Variants in WFDC1 observed in about 807,000 individuals in gnomAD.
WFDC1 encodes the protein WAP four-disulfide core domain protein 1.
WFDC1 carries 39 observed loss-of-function variants against 32.9 expected under a neutral mutation model. That is an observed-to-expected ratio of 1.19 (90% CI 0.92 to 1.55). The LOEUF is 1.55. Among genes scored for constraint, WFDC1 ranks in the 40% most tolerant of loss-of-function variants. The pLI is 0.00. For synonymous variants in WFDC1, 184 were observed against 137.4 expected (o/e 1.34, Z -2.37); for missense variants, 386 against 309.5 (o/e 1.25, Z -1.85).
chr16:84,310,209 G>A (rs746966303), intron 1 of WFDC1, among the ~76,000 whole-genome samples: 7 of 151,756 alleles, frequency 4.6e-5, no homozygotes, highest in Admixed American at 3.3e-4. Flanking sequence ...ACATAGAAGC[G>A]GGGGTGGTGT....
intron 2 of WFDC1, chr16:84,317,422 G>C (rs1908027356): frequency 6.6e-6 from 1 of 152,032 alleles, no homozygotes; most frequent in Admixed American, 6.6e-5. Flanking sequence ...GACTGGTCAG[G>C]GCTAACCAGC....
At chr16:84,310,489 TGAA>T (rs1405848475) in intron 1 of WFDC1, among the ~76,000 whole-genome samples, 1 of 151,388 alleles carries the variant, frequency 6.6e-6, no homozygotes, top group African/African-American at 2.5e-5. Flanking sequence ...GCCTTTAAAT[TGAA>T]GAAGAATGTG....
At chr16:84,327,419 G>C in intron 6 of WFDC1, 1 of 156,936 alleles carries the variant, frequency 6.4e-6, no homozygotes, top group East Asian at 1.8e-4. Flanking sequence ...GGCTGGTCTT[G>C]AACTCCTGGC....
At chr16:84,310,083 G>A (rs529751573) in intron 1 of WFDC1, among the ~76,000 whole-genome samples, 1 of 152,152 alleles carries the variant, frequency 6.6e-6, no homozygotes, top group Non-Finnish European at 1.5e-5. Flanking sequence ...TGTATGTGCA[G>A]GAGGAGACAC....
At chr16:84,299,629 G>C (rs894760542) in intron 1 of WFDC1, among the ~76,000 whole-genome samples, 1 of 152,214 alleles carries the variant, frequency 6.6e-6, no homozygotes, top group Non-Finnish European at 1.5e-5. Context: ...GGAGCCTCTC[G>C]ACAAATCCAC....
intron 1 of WFDC1, among the ~76,000 whole-genome samples, chr16:84,308,942 C>G (rs926195972): frequency 6.6e-6 from 1 of 152,146 alleles, no homozygotes; most frequent in Non-Finnish European, 1.5e-5. Flanking sequence ...GGTGTAGACA[C>G]CATCCTGGGT....
chr16:84,299,529 T>G (rs1036790930), intron 1 of WFDC1, among the ~76,000 whole-genome samples: 3 of 152,244 alleles, frequency 2.0e-5, no homozygotes, highest in African/African-American at 7.2e-5. Flanking sequence ...TGGTTTTTCT[T>G]TCCTGGCATT....
chr16:84,306,512 C>T (rs74035068), intron 1 of WFDC1, among the ~76,000 whole-genome samples: 21,892 of 152,212 alleles, frequency 0.14, 2,032 homozygotes, highest in African/African-American at 0.26. Flanking sequence ...CATCCTTCCT[C>T]ATCTCTGGAG....
At position 84,324,479 on chromosome 16, in the gene WFDC1, C is replaced by T; in HGVS notation, c.604+19C>T. The T allele has an allele frequency of 1.9e-6, 3 of 1,610,686 alleles. No homozygotes were observed. The highest frequency in any genetic ancestry group is 1.3e-5 in the African/African-American group (1 of 74,846). Reference sequence around the variant, plus strand: ...TATCCAGGTAAAAGAAGAAACTGTTCTTTCTTTCCAGAGGGCACAAAAAAA... The same window carrying T: ...TATCCAGGTAAAAGAAGAAACTGTTTTTTCTTTCCAGAGGGCACAAAAAAA... On this transcript the variant is annotated intron_variant, in intron 5 of 6. Transcript: ENST00000219454.
chr16:84,300,473 G>A (rs1906870159), intron 1 of WFDC1, among the ~76,000 whole-genome samples: 1 of 152,238 alleles, frequency 6.6e-6, no homozygotes, highest in Non-Finnish European at 1.5e-5. Context: ...CCTCCCAAAT[G>A]TACTCCCTGC....
chr16:84,313,016 C>A lies in WFDC1; in HGVS notation c.200C>A (p.Pro67Gln). The stretch of plus-strand genomic sequence containing the variant: ...CGGCAGCCCCGAGCAGACCGCTGCC[C>A]GCCGCCTCCGCGGACGCTGCCCCCC... Reference protein sequence around the residue: ...GPRQPRADRCPPPPRTLPPGA... With the variant: ...GPRQPRADRCQPPPRTLPPGA... The change falls in exon 2 of 7, where the codon CCG (proline) becomes CAG (glutamine). Residue 67 changes from proline to glutamine, a missense_variant. By Grantham distance (76) the Pro-to-Gln change is moderately conservative. Coordinates refer to ENST00000219454, the MANE Select transcript of WFDC1 (RefSeq NM_021197.4). 2 of 1,294,428 alleles carry A rather than the reference C, an allele frequency of 1.5e-6. No homozygotes were observed. Among genetic ancestry groups the A allele is most frequent in the Admixed American group, 8.2e-5 (2 of 24,288 alleles). 80.2% of individuals were successfully genotyped at this position (1,294,428 alleles called of 1,614,324 possible).
intron 1 of WFDC1, among the ~76,000 whole-genome samples, chr16:84,312,095 G>GT (rs1907667094): frequency 6.6e-6 from 1 of 152,148 alleles, no homozygotes; most frequent in Non-Finnish European, 1.5e-5. Context: ...AACCCAGGAG[G>GT]TGGAGGTTGT....
At chr16:84,301,284 C>A (rs1597662466) in intron 1 of WFDC1, among the ~76,000 whole-genome samples, 1 of 152,170 alleles carries the variant, frequency 6.6e-6, no homozygotes, top group Non-Finnish European at 1.5e-5. Flanking sequence ...GTTGCAGCAC[C>A]CTCGGACACG....
chr16:84,308,851 G>A (rs1315260454), intron 1 of WFDC1, among the ~76,000 whole-genome samples: 6 of 150,516 alleles, frequency 4.0e-5, no homozygotes, highest in Non-Finnish European at 7.4e-5. Context: ...GGGTGTAGAT[G>A]CCAGCCTGGG....
intron 4 of WFDC1, 46 bp from the exon 5 acceptor site, chr16:84,324,373 C>T: frequency 6.3e-7 from 1 of 1,593,124 alleles, no homozygotes; most frequent in Non-Finnish European, 8.6e-7. Context: ...CAGTTTTGGC[C>T]TTCTAAACTC....
intron 4 of WFDC1, among the ~76,000 whole-genome samples, chr16:84,320,552 C>T (rs532254540): frequency 9.8e-5 from 15 of 152,320 alleles, no homozygotes; most frequent in South Asian, 6.2e-4. Context: ...AATGGCACAG[C>T]GATTCCTGGT....
chr16:84,295,184 C>A, intron 1 of WFDC1, 69 bp downstream of exon 1: 1 of 1,568,506 alleles, frequency 6.4e-7, no homozygotes, highest in Non-Finnish European at 8.7e-7. Flanking sequence ...GAGAGGCGAT[C>A]CCTAGACACT....
rs1164367969 is a variant in WFDC1, at chr16:84,318,317, A to G, written c.383A>G (p.Asn128Ser). Reference protein sequence around the residue: ...VQPKPRWLGGNGWLLDGPEEV... With the variant: ...VQPKPRWLGGSGWLLDGPEEV... ...CCGAAACCTCGATGGCTTGGTGGCAATGGCTGGCTCCTGGATGGCCCTGAG... is the reference window on the plus strand; with the variant it reads ...CCGAAACCTCGATGGCTTGGTGGCAGTGGCTGGCTCCTGGATGGCCCTGAG... Residue 128 changes from asparagine to serine, a missense_variant, in exon 3 of 7, where the codon AAT becomes AGT. Physicochemically the swap from Asn to Ser is conservative, Grantham distance 46. Transcript: ENST00000219454. 7.4e-6 allele frequency: 12 copies of G among 1,614,104 alleles called. No homozygotes were observed. The highest frequency in any genetic ancestry group is 9.3e-6 in the Non-Finnish European group (11 of 1,179,972).
intron 1 of WFDC1, among the ~76,000 whole-genome samples, chr16:84,307,591 A>T (rs910402094): frequency 2.0e-5 from 3 of 152,186 alleles, no homozygotes; most frequent in African/African-American, 7.2e-5. Flanking sequence ...AAGTCCCAGG[A>T]CTGGGAGGCA....
Sources: allele counts gnomAD v4.1 joint callset (sites outside exome capture counted in the v4.1 genomes callset), GRCh38; gene constraint gnomAD v4.1.1; transcripts MANE v1.5; gene names NCBI Gene and HGNC (gene_info 2026-07-23, HGNC 2026-07-21).